ZNF718: variants seen among roughly 807,000 people sequenced by gnomAD.
ZNF718 encodes the protein zinc finger protein 718.
Under a neutral mutation model 2.6 loss-of-function variants are expected in ZNF718, and 3 were observed. That is an observed-to-expected ratio of 1.16 (90% CI 0.53 to 3.01). The LOEUF (loss-of-function observed/expected upper bound fraction) is 3.01, where lower values mean the gene tolerates loss of function less well. ZNF718 is among the 30% of genes most tolerant of loss of function. The pLI is 0.03. For synonymous variants in ZNF718, 135 were observed against 77.9 expected (o/e 1.73, Z -3.86); for missense variants, 468 against 230.0 (o/e 2.03, Z -6.69).
At chr4:131,146 A>G (rs1160527462) in intron 2 of ZNF718, among the ~76,000 whole-genome samples, 1 of 104,776 alleles carries the variant, frequency 9.5e-6, no homozygotes, top group Middle Eastern at 5.2e-3. Context: ...GTAATTCTAG[A>G]AATTAATGAT....
intron 1 of ZNF718, among the ~76,000 whole-genome samples, chr4:128,997 G>T (rs1581419952): frequency 9.5e-6 from 1 of 104,778 alleles, no homozygotes; most frequent in South Asian, 3.0e-4. Context: ...TCAGCATCGT[G>T]TGTTCAGTAC....
chr4:190,773 G>A (rs537004794), intron 3 of ZNF718, among the ~76,000 whole-genome samples: 3 of 152,224 alleles, frequency 2.0e-5, no homozygotes, highest in Admixed American at 2.0e-4. Flanking sequence ...GAGCGTGGTG[G>A]CTCATGCTTG....
intron 3 of ZNF718, among the ~76,000 whole-genome samples, chr4:196,800 C>T (rs1203994650): frequency 1.3e-5 from 2 of 152,018 alleles, no homozygotes; most frequent in Non-Finnish European, 2.9e-5. Flanking sequence ...GGAAGGCTGA[C>T]ACCTGAGTCT....
rs1232693574 is a variant in ZNF718, at chr4:128,536, G to A, written c.4-2252G>A. On this transcript the variant is annotated intron_variant, in intron 1 of 3. Coordinates refer to ENST00000510175, the MANE Select transcript of ZNF718 (RefSeq NM_001039127.6). Reference sequence around the variant, plus strand: ...CAGAGTTAGCTGATCAGGGACAGGGGATATCACATCTGGAGCCAAGATGTG... The same window carrying A: ...CAGAGTTAGCTGATCAGGGACAGGGAATATCACATCTGGAGCCAAGATGTG... 2.0e-5 allele frequency among the ~76,000 whole-genome samples: 2 copies of A among 102,474 alleles called. 1 individual carries two copies. Among genetic ancestry groups the A allele is most frequent in the African/African-American group, 6.8e-5 (2 of 29,352 alleles). 67.2% of individuals were successfully genotyped at this position (102,474 alleles called of 152,430 possible).
At chr4:197,485 C>G (rs1187136352) in intron 3 of ZNF718, among the ~76,000 whole-genome samples, 1 of 152,128 alleles carries the variant, frequency 6.6e-6, no homozygotes. Flanking sequence ...GAGAATTGCT[C>G]AATGCATTCC....
intron 3 of ZNF718, among the ~76,000 whole-genome samples, chr4:155,108 C>T (rs753552893): frequency 1.3e-5 from 2 of 151,788 alleles, no homozygotes; most frequent in Non-Finnish European, 2.9e-5. Context: ...AAGTCAAAAG[C>T]GAGGTTTGGA....
chr4:143,019 T>G (rs557787455), intron 3 of ZNF718, among the ~76,000 whole-genome samples: 7 of 152,250 alleles, frequency 4.6e-5, no homozygotes, highest in African/African-American at 1.4e-4. Context: ...TGTCATATGG[T>G]CTCTCTTCAA....
intron 3 of ZNF718, among the ~76,000 whole-genome samples, chr4:138,754 C>T (rs557006798): frequency 6.6e-6 from 1 of 152,170 alleles, no homozygotes; most frequent in African/African-American, 2.4e-5. Flanking sequence ...CAAGAGAGTA[C>T]TAGAGTTCAA....
In ZNF718 at chr4:163,479, CTTTTACATGAAT is replaced by C. The variant is rs1178543940; in HGVS notation, c.*1358_*1369del. The C allele has an allele frequency of 6.6e-6, 1 of 152,188 alleles. No homozygotes were observed. Among genetic ancestry groups the C allele is most frequent in the Non-Finnish European group, 1.5e-5 (1 of 68,048 alleles). The allele number at this position is 152,188 out of a possible 1,614,324, so 9.4% of individuals were successfully genotyped here. On this transcript the variant is annotated 3_prime_UTR_variant, in exon 4 of 4. Coordinates refer to ENST00000510175, the MANE Select transcript of ZNF718 (RefSeq NM_001039127.6). ...CTGGGATTACAGGCGTATTCATGAA[CTTTTACATGAAT>C]GAGTAAGGACATTGAAAGATGCATG... is the stretch of plus-strand genomic sequence containing the variant.
chr4:191,144 CTTTTTTT>C (rs1194078764), intron 3 of ZNF718, among the ~76,000 whole-genome samples: 14 of 122,280 alleles, frequency 1.1e-4, no homozygotes, highest in Non-Finnish European at 1.8e-4. Flanking sequence ...AGACATAAGT[CTTTTTTT>C]TTTTTTTTTT....
chr4:175,787 A>G lies in ZNF718; in HGVS notation c.227-25294A>G, dbSNP rs192836554. 2.2e-4 allele frequency among the ~76,000 whole-genome samples: 34 copies of G among 151,354 alleles called. No homozygotes were observed. In the East Asian group the frequency reaches 6.6e-3, roughly 29 times the overall value. On this transcript the variant is annotated intron_variant and NMD_transcript_variant, in intron 3 of 4. Coordinates refer to the ZNF718 transcript ENST00000642529. ...GAAGAGTTAACTGTGACCCTCCTCA[A>G]TTTAAACCTCAAAGCCATAATCTGA...
chr4:136,349 G>A (rs1178851866), intron 3 of ZNF718: 7 of 519,820 alleles, frequency 1.3e-5, no homozygotes, highest in African/African-American at 5.8e-5. Flanking sequence ...AGCTGAGGCC[G>A]AGATCTGTAG....
At chr4:145,721 G>A (rs1305986044) in intron 3 of ZNF718, among the ~76,000 whole-genome samples, 3 of 152,070 alleles carry the variant, frequency 2.0e-5, no homozygotes, top group Non-Finnish European at 4.4e-5. Flanking sequence ...GCCTCTCCAA[G>A]TGCTAGGATT....
chr4:140,041 G>A (rs1416488452), intron 3 of ZNF718, among the ~76,000 whole-genome samples: 9 of 151,120 alleles, frequency 6.0e-5, no homozygotes, highest in Admixed American at 3.3e-4. Context: ...TTTTCTGCAC[G>A]TGGTCCCCGA....
Position 128,623 on chromosome 4 carries a change from C to T in ZNF718, c.4-2165C>T, listed in dbSNP as rs1715288921. Among the ~76,000 whole-genome samples the T allele has an allele frequency of 2.0e-5, 2 of 101,642 alleles. 1 individual carries two copies. The highest frequency in any genetic ancestry group is 6.4e-4 in the South Asian group (2 of 3,132). 66.7% of individuals were successfully genotyped at this position (101,642 alleles called of 152,430 possible). ...CACACAAAGTCAGCCTGAGTGTCTC[C>T]TCCGTGGATCACTATGAGGGCATCA... On this transcript the variant is annotated intron_variant, in intron 1 of 3. Transcript: ENST00000510175.
Position 161,829 on chromosome 4 carries a change from C to T in ZNF718, c.1144C>T (p.Leu382Phe), listed in dbSNP as rs1553815395. 1.3e-6 allele frequency: 1 copy of T among 780,606 alleles called. No individual in the cohort carries two copies. The highest frequency in any genetic ancestry group is 2.4e-5 in the East Asian group (1 of 41,216). 48.4% of individuals were successfully genotyped at this position (780,606 alleles called of 1,614,324 possible). A position where few individuals can be genotyped will look rare whatever the true frequency, so the allele number is the denominator to read the frequency against. ...CGKAFNWSST[L>F]NVHKRIHSGK... ...AAAAGCCTTTAATTGGTCCTCAACCCTTAATGTACACAAGAGAATTCACTC... is the reference window on the plus strand; with the variant it reads ...AAAAGCCTTTAATTGGTCCTCAACCTTTAATGTACACAAGAGAATTCACTC... Residue 382 changes from leucine (L) to phenylalanine (F), a missense_variant, in exon 4 of 4, where the codon CTT becomes TTT. By Grantham distance (22) the Leu-to-Phe change is conservative. Transcript: ENST00000510175.
chr4:170,415 T>C (rs147159831), intron 3 of ZNF718, among the ~76,000 whole-genome samples: 33,996 of 152,104 alleles, frequency 0.22, 4,151 homozygotes, highest in Non-Finnish European at 0.28. Flanking sequence ...ATTGGGGAAG[T>C]TCTCCTGGAT....
chr4:154,141 T>TA (rs1479873859), intron 3 of ZNF718, among the ~76,000 whole-genome samples: 1 of 152,198 alleles, frequency 6.6e-6, no homozygotes, highest in Non-Finnish European at 1.5e-5. Context: ...CCTCCTGCCA[T>TA]ATATGACATG....
chr4:173,988 C>G (rs919239220), intron 3 of ZNF718, among the ~76,000 whole-genome samples: 4 of 152,014 alleles, frequency 2.6e-5, no homozygotes, highest in African/African-American at 7.2e-5. Flanking sequence ...TAATAAACAT[C>G]GTAGGCCCCC....
Sources: allele counts gnomAD v4.1 joint callset (sites outside exome capture counted in the v4.1 genomes callset), GRCh38; gene constraint gnomAD v4.1.1; transcripts MANE v1.5; gene names NCBI Gene and HGNC (gene_info 2026-07-23, HGNC 2026-07-21).